Variants in PAX2 observed in about 807,000 individuals in gnomAD.
The protein encoded by PAX2 is paired box 2, also known as paired box protein Pax-2.
PAX2 carries 9 observed loss-of-function variants against 41.7 expected under a neutral mutation model. The observed-to-expected ratio is 0.22, with a 90% CI of 0.13 to 0.38. The LOEUF is 0.38. PAX2 is among the 10% of genes least tolerant of loss of function. PAX2 has a pLI of 1.00. For synonymous variants in PAX2, 221 were observed against 212.7 expected (o/e 1.04, Z -0.34); for missense variants, 418 against 531.6 (o/e 0.79, Z 2.10).
At chr10:100,820,480 AG>A (rs1188397524) in intron 7 of PAX2, among the ~76,000 whole-genome samples, 2 of 152,202 alleles carry the variant, frequency 1.3e-5, no homozygotes, top group African/African-American at 2.4e-5. Flanking sequence ...GCACTTTTGG[AG>A]GCCAAGGCAG....
chr10:100,797,381 C>G (rs1487066118), intron 5 of PAX2, among the ~76,000 whole-genome samples: 1 of 152,258 alleles, frequency 6.6e-6, no homozygotes, highest in African/African-American at 2.4e-5. Flanking sequence ...GGGTTGAGTT[C>G]TGGCTCCTCT....
rs190690127 is a variant in PAX2 at position 100,827,303 on chromosome 10, G to T, written c.1108+208G>T. On this transcript the variant is annotated intron_variant, in intron 9 of 9. Coordinates refer to ENST00000355243, the MANE Select transcript of PAX2 (RefSeq NM_000278.5). The surrounding 1 kb of genome is among the most constrained non-coding windows in gnomAD (Gnocchi z 8.5). ...CCTGGTCGCTCGAAGGCTCTGCGCC[G>T]CCCTCGCCCTCGGATCCCCTGGAGG... is the stretch of plus-strand genomic sequence containing the variant. Among the ~76,000 whole-genome samples, 170 of 152,220 alleles carry T rather than the reference G, an allele frequency of 1.1e-3. 2 individuals carry two copies. The highest frequency in any genetic ancestry group is 6.8e-3 in the Middle Eastern group (2 of 292).
chr10:100,828,745 A>G lies in PAX2; in HGVS notation c.*1126A>G, dbSNP rs962924595. The G allele has an allele frequency of 1.7e-5, 4 of 233,388 alleles. No individual in the cohort carries two copies. The highest frequency in any genetic ancestry group is 1.1e-4 in the Admixed American group (2 of 17,776). 14.5% of individuals were successfully genotyped at this position (233,388 alleles called of 1,614,324 possible). A position where few individuals can be genotyped will look rare whatever the true frequency, so the allele number is the denominator to read the frequency against. On this transcript the variant is annotated 3_prime_UTR_variant, in exon 10 of 10. Coordinates refer to ENST00000355243, the MANE Select transcript of PAX2 (RefSeq NM_000278.5). The surrounding 1 kb of genome is among the most constrained non-coding windows in gnomAD (Gnocchi z 6.5). ...CACTCCACTCCTCCCATCCCCTCCCAGCCTCCTCCTCCGGCAGGAACTGAA... is the reference window on the plus strand; with the variant it reads ...CACTCCACTCCTCCCATCCCCTCCCGGCCTCCTCCTCCGGCAGGAACTGAA...
At chr10:100,781,122 C>T (rs556637429) in intron 4 of PAX2, 124 bp from the exon 5 acceptor site, 73 of 902,248 alleles carry the variant, frequency 8.1e-5, no homozygotes, top group Middle Eastern at 2.1e-4. Context: ...ATGAGAGGAA[C>T]GTGGGCTCCT....
chr10:100,756,730 C>T (rs1438321463), intron 3 of PAX2, among the ~76,000 whole-genome samples: 1 of 152,172 alleles, frequency 6.6e-6, no homozygotes, highest in African/African-American at 2.4e-5. Context: ...TTTTCACTTC[C>T]TGTCCTTTAA....
chr10:100,735,479 C>T (rs1490563545), exon 1 of PAX2: 5 of 238,980 alleles, frequency 2.1e-5, no homozygotes, highest in Admixed American at 5.7e-5. Flanking sequence ...AGAACCCGGG[C>T]TCCTCGGGGT....
chr10:100,818,750 A>G (rs571942793), intron 7 of PAX2, among the ~76,000 whole-genome samples: 17 of 152,238 alleles, frequency 1.1e-4, no homozygotes, highest in Admixed American at 7.9e-4. Context: ...TGTTATAGGA[A>G]GGATTCACTT....
intron 3 of PAX2, among the ~76,000 whole-genome samples, chr10:100,777,889 C>T (rs2133890797): frequency 6.6e-6 from 1 of 152,310 alleles, no homozygotes; most frequent in Middle Eastern, 3.4e-3. Context: ...CTCATCACAT[C>T]CAAGTTTTCA....
chr10:100,799,510 C>A (rs1427071676), intron 5 of PAX2, among the ~76,000 whole-genome samples: 2 of 152,206 alleles, frequency 1.3e-5, no homozygotes, highest in African/African-American at 4.8e-5. Context: ...ATGATGGGTC[C>A]TTGACAGAGA....
intron 3 of PAX2, among the ~76,000 whole-genome samples, chr10:100,776,156 C>T (rs1431375758): frequency 6.6e-6 from 1 of 152,206 alleles, no homozygotes; most frequent in Non-Finnish European, 1.5e-5. Flanking sequence ...CACTTAGCTG[C>T]CCGTTCCATC....
At chr10:100,809,068 C>A (rs192362854) in intron 6 of PAX2, 42 bp from the exon 7 acceptor site, 2 of 1,599,638 alleles carry the variant, frequency 1.3e-6, no homozygotes, top group South Asian at 1.1e-5. Context: ...TTTCTCTGTG[C>A]GTGCATCAAT....
chr10:100,809,488 T>C (rs1002969129), intron 7 of PAX2, among the ~76,000 whole-genome samples: 1 of 152,264 alleles, frequency 6.6e-6, no homozygotes, highest in East Asian at 1.9e-4. Flanking sequence ...TTCTTCCTCC[T>C]GTCCTTCGCC....
At chr10:100,808,239 A>T (rs901291545) in intron 6 of PAX2, among the ~76,000 whole-genome samples, 17 of 152,158 alleles carry the variant, frequency 1.1e-4, no homozygotes, top group Non-Finnish European at 2.2e-4. Context: ...CCTAATTTGC[A>T]GCTAATTACA....
At chr10:100,740,991 T>C (rs910929191), upstream of PAX2, among the ~76,000 whole-genome samples, 1 of 152,238 alleles carries the variant, frequency 6.6e-6, no homozygotes, top group Non-Finnish European at 1.5e-5. Context: ...GCCACCTGGC[T>C]GGCCCGTGCC....
chr10:100,747,022 A>T (rs1845206852), intron 1 of PAX2: 1 of 152,254 alleles, frequency 6.6e-6, no homozygotes. Context: ...CAGGTTGTCA[A>T]GACACGATGG....
intron 7 of PAX2, among the ~76,000 whole-genome samples, chr10:100,823,794 G>A (rs931420374): frequency 1.3e-5 from 2 of 152,138 alleles, no homozygotes; most frequent in Non-Finnish European, 2.9e-5. Context: ...AGGCAAGGTA[G>A]GGAGCCCAGT....
Position 100,745,976 on chromosome 10 carries a change from C to A in PAX2, c.-285C>A. 1 of 1,334,400 alleles carries A rather than the reference C, an allele frequency of 7.5e-7. No homozygotes were observed. Among genetic ancestry groups the A allele is most frequent in the Non-Finnish European group, 9.6e-7 (1 of 1,046,362 alleles). The allele number at this position is 1,334,400 out of a possible 1,614,324, so 82.7% of individuals were successfully genotyped here. On this transcript the variant is annotated 5_prime_UTR_variant, in exon 1 of 10. Coordinates refer to ENST00000355243, the MANE Select transcript of PAX2 (RefSeq NM_000278.5). ...GCGCGAGCCATGCGCCCCCAGTGCA[C>A]CCCGGCCCGGCCCACCGCCCCGGGG...
chr10:100,748,274 T>C lies in PAX2; in HGVS notation c.44-1472T>C. 1.0e-6 allele frequency: 1 copy of C among 983,750 alleles called. No homozygotes were observed. Among genetic ancestry groups the C allele is most frequent in the Non-Finnish European group, 1.2e-6 (1 of 829,420 alleles). 60.9% of individuals were successfully genotyped at this position (983,750 alleles called of 1,614,324 possible). On this transcript the variant is annotated intron_variant, in intron 1 of 9. Transcript: ENST00000355243. This position sits in a 1 kb window ranked among gnomAD's most constrained non-coding sequence, Gnocchi z 5.0. ...CTCCCGGGGCCTAAATTATTGATGG[T>C]CGGGGTTTGGAGGGAGGGGAGGGTG... is the stretch of plus-strand genomic sequence containing the variant.
intron 3 of PAX2, among the ~76,000 whole-genome samples, chr10:100,761,537 T>C (rs530948673): frequency 2.0e-5 from 3 of 152,172 alleles, no homozygotes; most frequent in Non-Finnish European, 2.9e-5. Flanking sequence ...GAAAAGGCGA[T>C]TCCAGCATCC....
Sources: allele counts gnomAD v4.1 joint callset (sites outside exome capture counted in the v4.1 genomes callset), GRCh38; gene constraint gnomAD v4.1.1; non-coding constraint Gnocchi (gnomAD v3.1); transcripts MANE v1.5; gene names NCBI Gene and HGNC (gene_info 2026-07-23, HGNC 2026-07-21).